Variants in HSPA4L observed in about 807,000 individuals in gnomAD.
HSPA4L encodes the protein heat shock 70 kDa protein 4L.
In HSPA4L, 48 loss-of-function variants were observed where a neutral mutation model predicts 100.3. The ratio of observed to expected loss-of-function variants is 0.48; its 90% confidence interval spans 0.38 to 0.61. The LOEUF is 0.61. Among genes scored for constraint, HSPA4L ranks in the 20% least tolerant of loss-of-function variants. HSPA4L has a pLI of 0.00. For synonymous variants in HSPA4L, 319 were observed against 328.2 expected (o/e 0.97, Z 0.30); for missense variants, 886 against 988.6 (o/e 0.90, Z 1.39).
intron 16 of HSPA4L, among the ~76,000 whole-genome samples, chr4:127,824,981 AT>A (rs1019245670): frequency 5.9e-5 from 9 of 152,008 alleles, no homozygotes; most frequent in African/African-American, 2.2e-4. Flanking sequence ...CTAAAAAAAA[AT>A]ACAAAAAATT....
intron 1 of HSPA4L, among the ~76,000 whole-genome samples, chr4:127,785,637 A>G (rs751932488): frequency 5.3e-5 from 8 of 151,952 alleles, no homozygotes; most frequent in Non-Finnish European, 1.0e-4. Context: ...GGGTTTCACC[A>G]TGTTGTCCAG....
chr4:127,797,705 C>G (rs1733063442), intron 3 of HSPA4L, among the ~76,000 whole-genome samples: 1 of 151,606 alleles, frequency 6.6e-6, no homozygotes, highest in Non-Finnish European at 1.5e-5. Flanking sequence ...GGGTTCCCAC[C>G]ATTCTCCAGC....
At chr4:127,825,114 T>A (rs1428830720) in intron 16 of HSPA4L, among the ~76,000 whole-genome samples, 2 of 150,442 alleles carry the variant, frequency 1.3e-5, no homozygotes, top group Non-Finnish European at 3.0e-5. Flanking sequence ...CACTCCAGCC[T>A]GGGCGACAGA....
chr4:127,782,747 A>C, intron 1 of HSPA4L, 90 bp downstream of exon 1: 1 of 977,866 alleles, frequency 1.0e-6, no homozygotes, highest in East Asian at 2.8e-5. Context: ...GCTTCCTCGG[A>C]TTTTCCCCTA....
intron 1 of HSPA4L, among the ~76,000 whole-genome samples, chr4:127,791,541 T>C (rs1309827807): frequency 6.6e-6 from 1 of 152,228 alleles, no homozygotes; most frequent in Non-Finnish European, 1.5e-5. Context: ...GGCTGGTGGC[T>C]AGTGGCTGCC....
At chr4:127,809,434 G>A in intron 11 of HSPA4L, 1 of 1,238,136 alleles carries the variant, frequency 8.1e-7, no homozygotes, top group Non-Finnish European at 1.2e-6. Flanking sequence ...TCTGCATTTG[G>A]GAACCTGATT....
chr4:127,818,420 G>A lies in HSPA4L; in HGVS notation c.1674G>A (p.Lys558=), dbSNP rs996152229. ...EEIDHTGAKT[K]SAVSDKQDRL... is the part of the protein sequence containing the mutation. ...TTGATCATACAGGAGCCAAAACAAA[G>A]GTTTGGTTTACTTTTTCTGTAGTTA... is the stretch of plus-strand genomic sequence containing the variant. Residue 558 remains lysine, a splice_region_variant and synonymous_variant, in exon 13 of 19, where the codon AAG becomes AAA. Coordinates refer to ENST00000296464, the MANE Select transcript of HSPA4L (RefSeq NM_014278.4). 2 of 1,586,060 alleles carry A rather than the reference G, an allele frequency of 1.3e-6. No homozygotes were observed.
intron 17 of HSPA4L, among the ~76,000 whole-genome samples, chr4:127,828,763 GAAGA>G (rs1734009676): frequency 6.6e-6 from 1 of 152,026 alleles, no homozygotes; most frequent in African/African-American, 2.4e-5. Context: ...AAGTAAGAAG[GAAGA>G]AACAACCCAA....
Position 127,805,304 on chromosome 4 carries a change from T to C in HSPA4L, c.1137+80T>C, listed in dbSNP as rs1733321244. 6.7e-6 allele frequency: 7 copies of C among 1,045,886 alleles called. No homozygotes were observed. In the Admixed American group the frequency reaches 1.0e-4, roughly 15 times the overall value. 64.8% of individuals were successfully genotyped at this position (1,045,886 alleles called of 1,614,324 possible). Reference sequence around the variant, plus strand: ...GATCCAAAGGGGCCTTTTAATGTTATCTGTTCCATCCACTTATCAATAAGC... The same window carrying C: ...GATCCAAAGGGGCCTTTTAATGTTACCTGTTCCATCCACTTATCAATAAGC... On this transcript the variant is annotated intron_variant, in intron 9 of 18. Coordinates refer to ENST00000296464, the MANE Select transcript of HSPA4L (RefSeq NM_014278.4).
chr4:127,815,840 G>A (rs1733657593), intron 12 of HSPA4L, among the ~76,000 whole-genome samples: 1 of 152,202 alleles, frequency 6.6e-6, no homozygotes, highest in African/African-American at 2.4e-5. Flanking sequence ...TTATGTGATA[G>A]TGATGAGGAA....
intron 1 of HSPA4L, among the ~76,000 whole-genome samples, chr4:127,791,558 GA>G (rs1732876208): frequency 6.6e-6 from 1 of 152,184 alleles, no homozygotes; most frequent in Non-Finnish European, 1.5e-5. Flanking sequence ...TGCCATATGG[GA>G]TGGTGAAGAT....
intron 17 of HSPA4L, among the ~76,000 whole-genome samples, chr4:127,828,430 T>C (rs548728914): frequency 8.7e-4 from 132 of 152,236 alleles, no homozygotes; most frequent in Non-Finnish European, 1.6e-3. Flanking sequence ...AATGCTATTA[T>C]CTTTATTTTA....
intron 16 of HSPA4L, 33 bp downstream of exon 16, chr4:127,823,657 C>A: frequency 7.3e-7 from 1 of 1,373,714 alleles, no homozygotes. Context: ...TTAGTATAAA[C>A]CAGTAACTTT....
intron 16 of HSPA4L, among the ~76,000 whole-genome samples, chr4:127,826,379 A>G (rs1028138517): frequency 6.6e-6 from 1 of 152,178 alleles, no homozygotes; most frequent in Non-Finnish European, 1.5e-5. Flanking sequence ...CCTAGGTGAC[A>G]GAGCAAGACC....
chr4:127,835,536 T>G lies in HSPA4L; in HGVS notation c.*2662T>G, dbSNP rs2148804036. On this transcript the variant is annotated 3_prime_UTR_variant, in exon 19 of 19. Coordinates refer to ENST00000296464, the MANE Select transcript of HSPA4L (RefSeq NM_014278.4). ...GGCCAACATGGTGAAACCCTGTCTC[T>G]ACTAAAAATACAAAAAAGTAGCCGG... The G allele has an allele frequency of 6.6e-6, 1 of 151,830 alleles. No individual in the cohort carries two copies. The highest frequency in any genetic ancestry group is 2.1e-4 in the South Asian group (1 of 4,808). 9.4% of individuals were successfully genotyped at this position (151,830 alleles called of 1,614,324 possible).
chr4:127,801,655 A>T, intron 5 of HSPA4L, 130 bp from the exon 6 acceptor site: 1 of 670,034 alleles, frequency 1.5e-6, no homozygotes, highest in Non-Finnish European at 2.3e-6. Context: ...AATTGTGAAA[A>T]GTTCATTTAC....
chr4:127,833,119 C>G lies in HSPA4L; in HGVS notation c.*245C>G. 1 of 335,646 alleles carries G rather than the reference C, an allele frequency of 3.0e-6. No individual in the cohort carries two copies. Among genetic ancestry groups the G allele is most frequent in the Non-Finnish European group, 5.4e-6 (1 of 186,790 alleles). The allele number at this position is 335,646 out of a possible 1,614,324, so 20.8% of individuals were successfully genotyped here. On this transcript the variant is annotated 3_prime_UTR_variant, in exon 19 of 19. Transcript: ENST00000296464. ...AAGCTTTCCGGATAATTTTATATATCAAACATACAGGATGGATACATAGTT... is the reference window on the plus strand; with the variant it reads ...AAGCTTTCCGGATAATTTTATATATGAAACATACAGGATGGATACATAGTT...
chr4:127,801,412 G>A lies in HSPA4L; in HGVS notation c.529+175G>A, dbSNP rs1733173648. ...CCACTGCACTTCAGCCTGTGAGGCA[G>A]AGCTAGACACAGTCTCTTTAAAAAA... On this transcript the variant is annotated intron_variant, in intron 5 of 18. Transcript: ENST00000296464. Among the ~76,000 whole-genome samples the A allele has an allele frequency of 2.6e-5, 4 of 151,922 alleles. No homozygotes were observed. In the South Asian group the frequency reaches 8.3e-4, roughly 32 times the overall value.
intron 6 of HSPA4L, among the ~76,000 whole-genome samples, chr4:127,803,097 G>C (rs1733239251): frequency 6.6e-6 from 1 of 151,862 alleles, no homozygotes; most frequent in African/African-American, 2.4e-5. Flanking sequence ...TGGTTTTTTT[G>C]TTGGTTGGTT....
Sources: allele counts gnomAD v4.1 joint callset (sites outside exome capture counted in the v4.1 genomes callset), GRCh38; gene constraint gnomAD v4.1.1; transcripts MANE v1.5; gene names NCBI Gene and HGNC (gene_info 2026-07-23, HGNC 2026-07-21).